Variants in MAP2 observed in about 807,000 individuals in gnomAD.
MAP2 encodes microtubule-associated protein 2.
A neutral mutation model predicts 137.6 loss-of-function variants in MAP2; 14 were observed. That is an observed-to-expected ratio of 0.10 (90% CI 0.07 to 0.16). The LOEUF (loss-of-function observed/expected upper bound fraction) is 0.16. MAP2 is among the 10% of genes least tolerant of loss of function. MAP2 has a pLI of 1.00. For missense variants in MAP2, 2,088 were observed against 2,191.5 expected (o/e 0.95, Z 0.94); for synonymous variants, 786 against 782.3 (o/e 1.00, Z -0.08).
chr2:209,720,639 A>T (rs1202164229), intron 13 of MAP2, among the ~76,000 whole-genome samples: 1 of 1,152 alleles, frequency 8.7e-4, no homozygotes, highest in Non-Finnish European at 0.012. Flanking sequence ...ACTTGGTCTC[A>T]AAAAAAAAAA....
chr2:209,716,500 C>T (rs562093981), intron 13 of MAP2, among the ~76,000 whole-genome samples: 4 of 152,320 alleles, frequency 2.6e-5, no homozygotes, highest in Non-Finnish European at 2.9e-5. Flanking sequence ...AACACAAATT[C>T]ATAAACTTTT....
chr2:209,490,786 C>T (rs903180329), intron 1 of MAP2, among the ~76,000 whole-genome samples: 1 of 151,966 alleles, frequency 6.6e-6, no homozygotes, highest in Non-Finnish European at 1.5e-5. Flanking sequence ...TACAGGAGCA[C>T]TCAGATTTAT....
At chr2:209,478,084 G>GT (rs1210903966) in intron 1 of MAP2, among the ~76,000 whole-genome samples, 1 of 152,210 alleles carries the variant, frequency 6.6e-6, no homozygotes, top group Non-Finnish European at 1.5e-5. Flanking sequence ...TTGGGCTAAA[G>GT]TTTTGTAGCA....
chr2:209,682,298 C>T (rs1160184991), intron 7 of MAP2, among the ~76,000 whole-genome samples: 1 of 152,094 alleles, frequency 6.6e-6, no homozygotes. Context: ...CAAGATCAGC[C>T]TGGCCAACAT....
intron 5 of MAP2, among the ~76,000 whole-genome samples, chr2:209,659,756 A>C (rs2042531502): frequency 6.6e-6 from 1 of 151,946 alleles, no homozygotes; most frequent in African/African-American, 2.4e-5. Context: ...TGCTGATCAC[A>C]GACCGGGCGT....
Position 209,705,576 on chromosome 2 carries a change from T to G in MAP2, c.4585-4T>G, listed in dbSNP as rs752495846. Reference sequence around the variant, plus strand: ...CCAATGTTCTTTTTGTTTTCTCCAATCAGGACGGAGTAACCAAGAGCCCAG... The same window carrying G: ...CCAATGTTCTTTTTGTTTTCTCCAAGCAGGACGGAGTAACCAAGAGCCCAG... On this transcript the variant is annotated splice_polypyrimidine_tract_variant and splice_region_variant and intron_variant, in intron 11 of 15. Transcript: ENST00000682079. 5 of 1,596,678 alleles carry G rather than the reference T, an allele frequency of 3.1e-6. No individual in the cohort carries two copies. Among genetic ancestry groups the G allele is most frequent in the Non-Finnish European group, 4.3e-6 (5 of 1,172,908 alleles).
chr2:209,722,429 T>G (rs1164410729), intron 13 of MAP2, among the ~76,000 whole-genome samples: 3 of 152,256 alleles, frequency 2.0e-5, no homozygotes, highest in Non-Finnish European at 4.4e-5. Context: ...GTGGTAATAT[T>G]CTTGCAGATG....
chr2:209,704,855 T>G (rs961097130), intron 11 of MAP2, among the ~76,000 whole-genome samples: 2 of 151,656 alleles, frequency 1.3e-5, no homozygotes, highest in Non-Finnish European at 2.9e-5. Flanking sequence ...CATTATTAAT[T>G]TATGGTTTGA....
chr2:209,688,902 A>G (rs1395106217), intron 7 of MAP2, among the ~76,000 whole-genome samples: 2 of 152,226 alleles, frequency 1.3e-5, no homozygotes, highest in African/African-American at 4.8e-5. Context: ...TTTTGAAAAC[A>G]GAACACCAAT....
intron 4 of MAP2, among the ~76,000 whole-genome samples, chr2:209,641,416 T>G (rs2094012191): frequency 1.3e-5 from 2 of 152,056 alleles, no homozygotes; most frequent in South Asian, 4.1e-4. Flanking sequence ...AAGAAAAATT[T>G]TTATTAAAAT....
chr2:209,499,044 T>G (rs1420575047), intron 1 of MAP2, among the ~76,000 whole-genome samples: 1 of 152,248 alleles, frequency 6.6e-6, no homozygotes, highest in Non-Finnish European at 1.5e-5. Context: ...CATGGTTAGA[T>G]GAAAAATTTT....
At chr2:209,640,770 T>C (rs2366112) in intron 4 of MAP2, among the ~76,000 whole-genome samples, 24,256 of 151,958 alleles carry the variant, frequency 0.16, 2,741 homozygotes, top group African/African-American at 0.31. Flanking sequence ...AGGACTTTAT[T>C]CTTCCTCTGT....
chr2:209,576,887 G>A (rs560420418), intron 2 of MAP2, among the ~76,000 whole-genome samples: 1 of 152,072 alleles, frequency 6.6e-6, no homozygotes, highest in East Asian at 1.9e-4. Context: ...AAACAATTGG[G>A]AAAAAAAGAA....
chr2:209,653,266 G>A lies in MAP2; in HGVS notation c.96G>A (p.Lys32=). 2 of 1,614,110 alleles carry A rather than the reference G, an allele frequency of 1.2e-6. No individual in the cohort carries two copies. The highest frequency in any genetic ancestry group is 1.7e-6 in the Non-Finnish European group (2 of 1,180,000). Residue 32 remains lysine, a synonymous_variant, in exon 5 of 16, where the codon AAG becomes AAA. Coordinates refer to ENST00000682079, the MANE Select transcript of MAP2 (RefSeq NM_001375505.1). ...CACACTCACATCCACCTGAGATTAA[G>A]GATCAAGGCGGAGCAGGGGAAGGAC... is the stretch of plus-strand genomic sequence containing the variant. The part of the protein sequence containing the change: ...ASAHSHPPEI[K]DQGGAGEGLV...
intron 2 of MAP2, among the ~76,000 whole-genome samples, chr2:209,557,447 T>G (rs890783109): frequency 6.6e-6 from 1 of 152,174 alleles, no homozygotes. Flanking sequence ...GCTGCTACAT[T>G]CCAACTTGGT....
At chr2:209,546,990 A>T (rs1404665614) in intron 2 of MAP2, among the ~76,000 whole-genome samples, 1 of 152,196 alleles carries the variant, frequency 6.6e-6, no homozygotes, top group Non-Finnish European at 1.5e-5. Context: ...AATAGAAGAA[A>T]TTTTTAAAAA....
chr2:209,450,461 T>A (rs1700067509), intron 1 of MAP2, among the ~76,000 whole-genome samples: 2 of 152,212 alleles, frequency 1.3e-5, no homozygotes. Flanking sequence ...TTAGTAACAT[T>A]TCATTTCAGT....
intron 1 of MAP2, among the ~76,000 whole-genome samples, chr2:209,435,788 G>A (rs549144759): frequency 5.4e-4 from 81 of 150,818 alleles, no homozygotes; most frequent in Non-Finnish European, 8.9e-4. Flanking sequence ...ATACAATTAA[G>A]AAAATATCAA....
rs117727506 is a variant in MAP2, at chr2:209,474,154, T to C, written c.-221-33438T>C. Among the ~76,000 whole-genome samples, 62 of 152,252 alleles carry C rather than the reference T, an allele frequency of 4.1e-4. No individual in the cohort carries two copies. In the East Asian group the frequency reaches 0.011, roughly 27 times the overall value. ...GGTTTACCAAGGGGAGCTTGAGATA[T>C]GGGCATACTGCCAGGTGTTGAACCA... On this transcript the variant is annotated intron_variant, in intron 1 of 15. Coordinates refer to ENST00000682079, the MANE Select transcript of MAP2 (RefSeq NM_001375505.1).
Sources: allele counts gnomAD v4.1 joint callset (sites outside exome capture counted in the v4.1 genomes callset), GRCh38; gene constraint gnomAD v4.1.1; transcripts MANE v1.5; gene names NCBI Gene and HGNC (gene_info 2026-07-23, HGNC 2026-07-21).